The following IGF1R variants were observed in gnomAD, a reference collection of about 807,000 sequenced individuals.
The protein encoded by IGF1R is insulin-like growth factor 1 receptor.
IGF1R carries 44 observed loss-of-function variants against 144.6 expected under a neutral mutation model. The ratio of observed to expected loss-of-function variants is 0.30; its 90% CI spans 0.24 to 0.39. The LOEUF (loss-of-function observed/expected upper bound fraction) is 0.39, where lower values mean the gene tolerates loss of function less well. Ranked by LOEUF, IGF1R falls within the 10% of genes least tolerant of loss-of-function variation. The pLI is 1.00. For synonymous variants in IGF1R, 795 were observed against 722.8 expected (o/e 1.10, Z -1.60); for missense variants, 1,355 against 1,833.7 (o/e 0.74, Z 4.77).
chr15:98,963,661 G>C lies in IGF1R; in HGVS notation c.*6219G>C, dbSNP rs759768468. 1 of 233,152 alleles carries C rather than the reference G, an allele frequency of 4.3e-6. No homozygotes were observed. The highest frequency in any genetic ancestry group is 8.5e-6 in the Non-Finnish European group (1 of 118,054). 14.4% of individuals were successfully genotyped at this position (233,152 alleles called of 1,614,324 possible). ...CAGCATACACAGTGATCACATAAACGATGACAGCTATGGGGCACACAGGCC... is the reference window on the plus strand; with the variant it reads ...CAGCATACACAGTGATCACATAAACCATGACAGCTATGGGGCACACAGGCC... On this transcript the variant is annotated 3_prime_UTR_variant, in exon 21 of 21. Coordinates refer to ENST00000650285, the MANE Select transcript of IGF1R (RefSeq NM_000875.5).
chr15:98,834,894 C>T (rs1262002946), intron 2 of IGF1R, among the ~76,000 whole-genome samples: 1 of 152,192 alleles, frequency 6.6e-6, no homozygotes, highest in African/African-American at 2.4e-5. Flanking sequence ...GTTGTCAGAG[C>T]TAACAGTTTT....
intron 2 of IGF1R, among the ~76,000 whole-genome samples, chr15:98,831,325 C>A (rs938868230): frequency 1.4e-4 from 22 of 152,252 alleles, no homozygotes; most frequent in Non-Finnish European, 1.5e-5. Flanking sequence ...GAATCCATCT[C>A]ACCACCCACC....
chr15:98,760,329 G>T (rs1890674318), intron 2 of IGF1R, among the ~76,000 whole-genome samples: 2 of 151,444 alleles, frequency 1.3e-5, no homozygotes, highest in Non-Finnish European at 2.9e-5. Context: ...TCCAGCCTGA[G>T]CAACAGAGAG....
intron 1 of IGF1R, among the ~76,000 whole-genome samples, chr15:98,703,581 A>C (rs542840997): frequency 5.3e-5 from 8 of 152,290 alleles, no homozygotes; most frequent in African/African-American, 1.7e-4. Flanking sequence ...GTAAGTGGGT[A>C]GCTTCTTCCT....
chr15:98,924,584 C>T lies in IGF1R; in HGVS notation c.2682C>T (p.Asn894=), dbSNP rs2151694506. ...GGAAGTATGGAGGGGCCAAGCTAAA[C>T]CGGCTAAACCCGGGGAACTACACAG... The part of the protein sequence containing the change: ...EYRKYGGAKL[N]RLNPGNYTAR... The change falls in exon 13 of 21, where the codon AAC becomes AAT. Residue 894 remains asparagine, a synonymous_variant. Transcript: ENST00000650285. 1 of 1,614,088 alleles carries T rather than the reference C, an allele frequency of 6.2e-7. No individual in the cohort carries two copies. Among genetic ancestry groups the T allele is most frequent in the Non-Finnish European group, 8.5e-7 (1 of 1,179,962 alleles).
At chr15:98,844,958 A>C (rs1171918993) in intron 2 of IGF1R, among the ~76,000 whole-genome samples, 1 of 152,176 alleles carries the variant, frequency 6.6e-6, no homozygotes, top group Non-Finnish European at 1.5e-5. Context: ...GACCTCTGAG[A>C]TAGCTGAGAA....
chr15:98,765,086 T>G (rs1256210388), intron 2 of IGF1R, among the ~76,000 whole-genome samples: 2 of 152,186 alleles, frequency 1.3e-5, no homozygotes, highest in African/African-American at 4.8e-5. Context: ...TGTGTCTGGC[T>G]TCTTTCACTT....
chr15:98,934,293 C>G (rs1044413500), intron 15 of IGF1R, among the ~76,000 whole-genome samples: 4 of 152,104 alleles, frequency 2.6e-5, no homozygotes, highest in Non-Finnish European at 2.9e-5. Flanking sequence ...GAAGTAGGAC[C>G]TTACGTGCAC....
At chr15:98,872,611 T>C (rs557165810) in intron 2 of IGF1R, among the ~76,000 whole-genome samples, 1 of 152,326 alleles carries the variant, frequency 6.6e-6, no homozygotes, top group African/African-American at 2.4e-5. Flanking sequence ...CATTTCATCT[T>C]ATACCAGTAG....
rs560360579 is a variant in IGF1R, at chr15:98,766,984, G to A, written c.640+58877G>A. On this transcript the variant is annotated intron_variant, in intron 2 of 20. Coordinates refer to ENST00000650285, the MANE Select transcript of IGF1R (RefSeq NM_000875.5). ...TGGTGTCAGCGTAGGGACCAGGCTC[G>A]GTGTAGAGACCAAGGGTGCCTTTCC... Among the ~76,000 whole-genome samples, 107 of 152,198 alleles carry A rather than the reference G, an allele frequency of 7.0e-4. 1 individual carries two copies. Among genetic ancestry groups the A allele is most frequent in the African/African-American group, 2.3e-3 (97 of 41,520 alleles).
At chr15:98,705,838 G>A (rs2053849384) in intron 1 of IGF1R, among the ~76,000 whole-genome samples, 2 of 152,180 alleles carry the variant, frequency 1.3e-5, no homozygotes, top group Admixed American at 6.5e-5. Context: ...CCTCTGAGAT[G>A]AAAGTTCTTA....
At chr15:98,909,048 C>G (rs70961703) in intron 6 of IGF1R, 149 bp downstream of exon 6, 6 of 726,616 alleles carry the variant, frequency 8.3e-6, no homozygotes, top group Non-Finnish European at 1.5e-5. Flanking sequence ...TTTGCTCCTA[C>G]TTATATGTCA....
In IGF1R at chr15:98,745,841, G is replaced by T. The variant is rs186068305; in HGVS notation, c.640+37734G>T. On this transcript the variant is annotated intron_variant, in intron 2 of 20. Coordinates refer to ENST00000650285, the MANE Select transcript of IGF1R (RefSeq NM_000875.5). Reference sequence around the variant, plus strand: ...TAAAACGGTACAACCTTTATGGAAGGCAAATTGGCGTTATAAATGCGTGTT... The same window carrying T: ...TAAAACGGTACAACCTTTATGGAAGTCAAATTGGCGTTATAAATGCGTGTT... 1.3e-3 allele frequency among the ~76,000 whole-genome samples: 193 copies of T among 152,336 alleles called. 4 individuals are homozygous for T. Among genetic ancestry groups the T allele is most frequent in the African/African-American group, 4.3e-3 (180 of 41,584 alleles).
intron 1 of IGF1R, among the ~76,000 whole-genome samples, chr15:98,651,862 T>A (rs908288544): frequency 2.0e-5 from 3 of 151,846 alleles, no homozygotes; most frequent in Non-Finnish European, 4.4e-5. Context: ...ACTCAGTACC[T>A]GCCCCTCCCT....
intron 2 of IGF1R, among the ~76,000 whole-genome samples, chr15:98,736,984 C>T (rs934566367): frequency 6.6e-6 from 1 of 152,112 alleles, no homozygotes; most frequent in African/African-American, 2.4e-5. Context: ...GTTTTAGAAG[C>T]ATCTGTGAAT....
chr15:98,691,968 C>T (rs1292320388), intron 1 of IGF1R, among the ~76,000 whole-genome samples: 1 of 152,132 alleles, frequency 6.6e-6, no homozygotes, highest in African/African-American at 2.4e-5. Context: ...GCCTGTTGCC[C>T]CATGTCCTCA....
chr15:98,879,323 C>T (rs2037448), intron 2 of IGF1R, among the ~76,000 whole-genome samples: 7,201 of 152,106 alleles, frequency 0.047, 299 homozygotes, highest in East Asian at 0.14. Context: ...GGCCAAATTC[C>T]GCCCCCAGCC....
chr15:98,945,133 G>A (rs74032119), intron 19 of IGF1R, among the ~76,000 whole-genome samples: 3,243 of 152,334 alleles, frequency 0.021, 83 homozygotes, highest in African/African-American at 0.067. Flanking sequence ...GAAACCAGAC[G>A]AAGGACTGGG....
At chr15:98,698,427 C>G (rs745845348) in intron 1 of IGF1R, among the ~76,000 whole-genome samples, 1 of 152,204 alleles carries the variant, frequency 6.6e-6, no homozygotes, top group Non-Finnish European at 1.5e-5. Context: ...TCTTGAAAAA[C>G]GGAAACTCTG....
Sources: allele counts gnomAD v4.1 joint callset (sites outside exome capture counted in the v4.1 genomes callset), GRCh38; gene constraint gnomAD v4.1.1; transcripts MANE v1.5; gene names NCBI Gene and HGNC (gene_info 2026-07-23, HGNC 2026-07-21).